The following RHOF variants were observed in gnomAD, a reference collection of about 807,000 sequenced individuals.
RHOF encodes rho-related GTP-binding protein RhoF.
RHOF carries 21 observed loss-of-function variants against 22.2 expected under a neutral mutation model. That is an observed-to-expected ratio of 0.95 (90% CI 0.67 to 1.36). RHOF has a LOEUF of 1.36. RHOF is among the 40% of genes most tolerant of loss of function. The pLI, the probability that RHOF is intolerant of heterozygous loss-of-function variation, is 0.00. For synonymous variants in RHOF, 135 were observed against 131.2 expected (o/e 1.03, Z -0.20); for missense variants, 285 against 293.7 (o/e 0.97, Z 0.22).
At chr12:121,786,418 G>T (rs1416645609) in intron 2 of RHOF, among the ~76,000 whole-genome samples, 1 of 152,168 alleles carries the variant, frequency 6.6e-6, no homozygotes, top group Non-Finnish European at 1.5e-5. Flanking sequence ...ACTGGGTTTG[G>T]CAACTATGGC....
intron 2 of RHOF, among the ~76,000 whole-genome samples, chr12:121,783,197 C>T (rs1874518553): frequency 6.6e-6 from 1 of 151,658 alleles, no homozygotes; most frequent in Admixed American, 6.6e-5. Context: ...TCCCTCTTCC[C>T]TGCCTCCTGC....
intron 4 of RHOF, 52 bp downstream of exon 4, chr12:121,780,819 TC>T (rs1367668508): frequency 6.3e-7 from 1 of 1,580,890 alleles, no homozygotes; most frequent in Non-Finnish European, 8.6e-7. Flanking sequence ...AGGCCAAAGG[TC>T]CGGGAGGCTT....
rs535291423 is a variant in RHOF at position 121,785,190 on chromosome 12, G to A, written c.227-3998C>T. Among the ~76,000 whole-genome samples, 4 of 152,212 alleles carry A rather than the reference G, an allele frequency of 2.6e-5. No individual in the cohort carries two copies. The South Asian group carries it at 6.2e-4, about 24-fold the overall frequency. The stretch of plus-strand genomic sequence containing the variant: ...ACAGGCAGGTGGTGTCTCCAGCAGG[G>A]ATACACAGAGGAAGGGGCGAATCAT... On this transcript the variant is annotated intron_variant, in intron 2 of 4. Transcript: ENST00000267205.
At position 121,793,578 on chromosome 12, in the gene RHOF, T is replaced by A; in HGVS notation, c.56A>T (p.Glu19Val). The A allele has an allele frequency of 1.3e-6, 2 of 1,553,246 alleles. No individual in the cohort carries two copies. Among genetic ancestry groups the A allele is most frequent in the Middle Eastern group, 2.1e-4 (1 of 4,786 alleles). ...GTCGCCCACGATCACGATCTTCAGC[T>A]CCTTCCTGCCCGGACCGGGGGCGGC... is the stretch of plus-strand genomic sequence containing the variant. ...QTAAPGPGRK[E>V]LKIVIVGDGG... Residue 19 changes from glutamate to valine, a missense_variant, in exon 1 of 5, where the codon GAG becomes GTG. Glu to Val is a moderately radical substitution (Grantham distance 121). Coordinates refer to ENST00000267205, the MANE Select transcript of RHOF (RefSeq NM_019034.3).
chr12:121,780,832 A>G (rs1592955154), intron 4 of RHOF, 40 bp downstream of exon 4: 1 of 1,591,716 alleles, frequency 6.3e-7, no homozygotes, highest in African/African-American at 1.3e-5. Context: ...GGGAGGCTTC[A>G]CAGCCACGGC....
chr12:121,788,716 A>G (rs1874680852), intron 2 of RHOF, among the ~76,000 whole-genome samples: 1 of 152,056 alleles, frequency 6.6e-6, no homozygotes, highest in South Asian at 2.1e-4. Context: ...GGGTGATAAC[A>G]GTGATAACCC....
In RHOF at chr12:121,777,936, G is replaced by C. The variant is rs1331880329; in HGVS notation, c.*1562C>G. The C allele has an allele frequency of 2.0e-5, 3 of 152,168 alleles. No homozygotes were observed. Among genetic ancestry groups the C allele is most frequent in the Non-Finnish European group, 4.4e-5 (3 of 68,050 alleles). 9.4% of individuals were successfully genotyped at this position (152,168 alleles called of 1,614,324 possible). ...TTGGGAACCTGGGTGGGTTGGGGAG[G>C]GTCTCAGAAGGCTCCTTCCTTTGGC... is the stretch of plus-strand genomic sequence containing the variant. On this transcript the variant is annotated 3_prime_UTR_variant, in exon 5 of 5. Transcript: ENST00000267205.
At chr12:121,785,602 G>A (rs1436610876) in intron 2 of RHOF, among the ~76,000 whole-genome samples, 1 of 149,206 alleles carries the variant, frequency 6.7e-6, no homozygotes, top group Non-Finnish European at 1.5e-5. Context: ...AATTTTTTTT[G>A]TATTTTTATT....
intron 2 of RHOF, among the ~76,000 whole-genome samples, chr12:121,788,883 G>T (rs1407721063): frequency 3.9e-5 from 6 of 152,126 alleles, no homozygotes; most frequent in Admixed American, 3.9e-4. Flanking sequence ...TAATAGCCTG[G>T]CATGGTGGGT....
Position 121,779,501 on chromosome 12 carries a change from G to A in RHOF, c.633C>T (p.Leu211=). ...RQKKRRLCLL[L] Reference sequence around the variant, plus strand: ...CGTGAGGTCTGTCTGCCCTGGGTCAGAGCAGCAGGCAGAGCCGGCGCTTCT... The same window carrying A: ...CGTGAGGTCTGTCTGCCCTGGGTCAAAGCAGCAGGCAGAGCCGGCGCTTCT... Residue 211 remains leucine, a synonymous_variant, in exon 5 of 5, where the codon CTC becomes CTT. Transcript: ENST00000267205. 1 of 1,611,596 alleles carries A rather than the reference G, an allele frequency of 6.2e-7. No homozygotes were observed. Among genetic ancestry groups the A allele is most frequent in the Middle Eastern group, 1.7e-4 (1 of 6,058 alleles).
rs902803579 is a variant in RHOF at position 121,783,552 on chromosome 12, G to A, written c.227-2360C>T. Among the ~76,000 whole-genome samples the A allele has an allele frequency of 1.2e-4, 18 of 152,004 alleles. No homozygotes were observed. In the East Asian group the frequency reaches 2.5e-3, roughly 21 times the overall value. ...GGCTGGAGTGCAATGGCGCGATCTC[G>A]GCTCACTGCAACCTACACCTCCCAG... On this transcript the variant is annotated intron_variant, in intron 2 of 4. Transcript: ENST00000267205.
intron 2 of RHOF, among the ~76,000 whole-genome samples, chr12:121,788,495 G>A (rs1874672308): frequency 6.6e-6 from 1 of 152,158 alleles, no homozygotes; most frequent in South Asian, 2.1e-4. Context: ...GACCAGGCCT[G>A]CAGAGGACTA....
In RHOF at chr12:121,778,125, C is replaced by T. The variant is rs1874305871; in HGVS notation, c.*1373G>A. 1 of 152,230 alleles carries T rather than the reference C, an allele frequency of 6.6e-6. No individual in the cohort carries two copies. The highest frequency in any genetic ancestry group is 1.5e-5 in the Non-Finnish European group (1 of 68,084). The allele number at this position is 152,230 out of a possible 1,614,324, so 9.4% of individuals were successfully genotyped here. A position where few individuals can be genotyped will look rare whatever the true frequency, so the allele number is the denominator to read the frequency against. ...TCCAGAGCCAAGCAGCTTGCGACTT[C>T]TGGTAGGCACCGGAATCCCCTGGGA... On this transcript the variant is annotated 3_prime_UTR_variant, in exon 5 of 5. Transcript: ENST00000267205.
At chr12:121,781,612 C>G (rs112573193) in intron 2 of RHOF, 2,185 of 204,752 alleles carry the variant, frequency 0.011, 38 homozygotes, top group South Asian at 0.029. Context: ...ATGCCGATAG[C>G]CAGTGTGATC....
chr12:121,785,342 A>T (rs529403554), intron 2 of RHOF, among the ~76,000 whole-genome samples: 1 of 152,296 alleles, frequency 6.6e-6, no homozygotes, highest in South Asian at 2.1e-4. Flanking sequence ...AGGTAACTGA[A>T]ACTACAGAAA....
chr12:121,781,061 C>A (rs371564578), intron 3 of RHOF, 22 bp downstream of exon 3: 1 of 1,613,930 alleles, frequency 6.2e-7, no homozygotes, highest in Non-Finnish European at 8.5e-7. Flanking sequence ...TGTGGGGCCA[C>A]CACCCAGGAG....
At chr12:121,791,339 T>G (rs993377093) in intron 2 of RHOF, among the ~76,000 whole-genome samples, 1 of 152,226 alleles carries the variant, frequency 6.6e-6, no homozygotes, top group African/African-American at 2.4e-5. Flanking sequence ...TTGGGCAGGC[T>G]GGTGGACATC....
chr12:121,791,939 C>G (rs1874775358), intron 2 of RHOF, among the ~76,000 whole-genome samples: 1 of 152,238 alleles, frequency 6.6e-6, no homozygotes, highest in African/African-American at 2.4e-5. Context: ...ATGACTTTTA[C>G]TACCCCCGGG....
rs902631938 is a variant in RHOF at position 121,778,651 on chromosome 12, G to A, written c.*847C>T. 1 of 152,072 alleles carries A rather than the reference G, an allele frequency of 6.6e-6. No individual in the cohort carries two copies. The highest frequency in any genetic ancestry group is 1.5e-5 in the Non-Finnish European group (1 of 68,078). The allele number at this position is 152,072 out of a possible 1,614,324, so 9.4% of individuals were successfully genotyped here. A position where few individuals can be genotyped will look rare whatever the true frequency, so the allele number is the denominator to read the frequency against. ...CTCGCCTCCTGAACTCCACAGGCTG[G>A]TAGAAGCGGGGCTTGAGGGACAGCA... On this transcript the variant is annotated 3_prime_UTR_variant, in exon 5 of 5. Coordinates refer to ENST00000267205, the MANE Select transcript of RHOF (RefSeq NM_019034.3).
Sources: gnomAD v4.1 joint callset for allele counts (sites outside exome capture counted in the v4.1 genomes callset) on GRCh38, gnomAD v4.1.1 for gene constraint, MANE v1.5 for transcripts, NCBI Gene and HGNC (gene_info 2026-07-23, HGNC 2026-07-21) for gene names.